Variants in PRH1 observed in about 807,000 individuals in gnomAD.
PRH1 encodes proline rich protein HaeIII subfamily 1, also known as salivary acidic proline-rich phosphoprotein 1/2.
PRH1 carries 7 observed loss-of-function variants against 7.9 expected under a neutral mutation model. The ratio of observed to expected loss-of-function variants is 0.89; its 90% CI spans 0.50 to 1.67. The LOEUF (loss-of-function observed/expected upper bound fraction) is 1.67. Ranked by LOEUF, PRH1 falls within the 40% of genes most tolerant of loss-of-function variation. The pLI, the probability that PRH1 is intolerant of heterozygous loss-of-function variation, is 0.00. For missense variants in PRH1, 109 were observed against 223.6 expected (o/e 0.49, Z 3.27); for synonymous variants, 45 against 80.8 (o/e 0.56, Z 2.38).
chr12:10,885,073 CT>C (rs1029638488), upstream of PRH1, among the ~76,000 whole-genome samples: 2 of 152,204 alleles, frequency 1.3e-5, no homozygotes, highest in Non-Finnish European at 2.9e-5. Flanking sequence ...CCTCCACTTT[CT>C]CCAGAATATT....
At chr12:10,918,505 C>T (rs913000858) in intron 2 of PRH1, among the ~76,000 whole-genome samples, 1 of 152,070 alleles carries the variant, frequency 6.6e-6, no homozygotes, top group Admixed American at 6.5e-5. Context: ...GGTGAAATCT[C>T]CAATTATTTG....
At chr12:11,098,388 T>A (rs1428608644) in intron 1 of PRH1, among the ~76,000 whole-genome samples, 1 of 152,046 alleles carries the variant, frequency 6.6e-6, no homozygotes, top group Non-Finnish European at 1.5e-5. Flanking sequence ...TTCAAACAAC[T>A]CAAATTAACT....
At position 10,997,342 on chromosome 12, in the gene PRH1, A is replaced by G. The variant is rs1467636825; in HGVS notation, c.-125-23621T>C. On this transcript the variant is annotated intron_variant, in intron 1 of 3. Transcript: ENST00000539853. ...GTATCAAGTTTGCTAGCATGGCTAC[A>G]GTCAAGTTGGAAAGGTGCATTGCAT... is the stretch of plus-strand genomic sequence containing the variant. The G allele has an allele frequency of 2.5e-6, 4 of 1,614,104 alleles. No homozygotes were observed. The South Asian group carries it at 3.3e-5, about 13-fold the overall frequency.
chr12:11,170,472 G>A (rs1182766911), intron 1 of PRH1, among the ~76,000 whole-genome samples: 2 of 152,202 alleles, frequency 1.3e-5, no homozygotes, highest in African/African-American at 4.8e-5. Flanking sequence ...GCGTGAACCC[G>A]GGAGGCGGAG....
At chr12:10,886,761 T>C (rs1296104126), upstream of PRH1, among the ~76,000 whole-genome samples, 1 of 152,204 alleles carries the variant, frequency 6.6e-6, no homozygotes, top group East Asian at 1.9e-4. Flanking sequence ...CTGACAGGTG[T>C]TTACCTAGTG....
At chr12:10,957,792 C>G (rs1281862802) in intron 2 of PRH1, among the ~76,000 whole-genome samples, 2 of 151,952 alleles carry the variant, frequency 1.3e-5, no homozygotes, top group African/African-American at 4.8e-5. Flanking sequence ...TACACTCAGC[C>G]AACAAACATA....
At chr12:10,931,754 T>C (rs61355195) in intron 2 of PRH1, among the ~76,000 whole-genome samples, 5,819 of 152,256 alleles carry the variant, frequency 0.038, 369 homozygotes, top group African/African-American at 0.13. Flanking sequence ...GTCTTACTTA[T>C]TGGAAAAATT....
At chr12:11,071,206 C>A (rs1434258679) in intron 1 of PRH1, among the ~76,000 whole-genome samples, 26 of 151,520 alleles carry the variant, frequency 1.7e-4, no homozygotes, top group African/African-American at 6.1e-4. Flanking sequence ...AGGAAGTGGA[C>A]CAGGAAATTC....
chr12:11,156,205 CT>C (rs781535625), intron 1 of PRH1, among the ~76,000 whole-genome samples: 1 of 152,200 alleles, frequency 6.6e-6, no homozygotes, highest in Non-Finnish European at 1.5e-5. Context: ...TGAATTCTAG[CT>C]TCCATGCTTT....
At chr12:11,010,463 GACAA>G (rs1941015201) in intron 1 of PRH1, among the ~76,000 whole-genome samples, 1 of 151,796 alleles carries the variant, frequency 6.6e-6, no homozygotes, top group Non-Finnish European at 1.5e-5. Context: ...ATCAGGTCTA[GACAA>G]ACACCCTCAG....
At chr12:10,928,178 GA>G (rs1257272572) in intron 2 of PRH1, among the ~76,000 whole-genome samples, 1 of 152,002 alleles carries the variant, frequency 6.6e-6, no homozygotes, top group Admixed American at 6.6e-5. Context: ...GAATGAGAAA[GA>G]ATTAGTATTA....
rs1401732004 is a variant in PRH1 at position 11,088,970 on chromosome 12, C to T, written n.124-41782G>A. On this transcript the variant is annotated intron_variant and non_coding_transcript_variant, in intron 1 of 4. Transcript: ENST00000541977. Reference sequence around the variant, plus strand: ...AAAACAGCAAGTGGAGAACATTAATCCAAGCATAGAGTCCCTCTAAACACA... The same window carrying T: ...AAAACAGCAAGTGGAGAACATTAATTCAAGCATAGAGTCCCTCTAAACACA... Among the ~76,000 whole-genome samples the T allele has an allele frequency of 1.7e-5, 2 of 115,570 alleles. 1 individual carries two copies. Among genetic ancestry groups the T allele is most frequent in the Non-Finnish European group, 4.1e-5 (2 of 48,780 alleles). The allele number at this position is 115,570 out of a possible 152,430, so 75.8% of individuals were successfully genotyped here.
chr12:11,025,363 G>T (rs1233733836), intron 1 of PRH1, among the ~76,000 whole-genome samples: 1 of 143,780 alleles, frequency 7.0e-6, no homozygotes, highest in East Asian at 2.1e-4. Flanking sequence ...ACACATTGAA[G>T]ACATGATTCC....
chr12:10,956,364 T>C (rs899756760), intron 2 of PRH1, among the ~76,000 whole-genome samples: 5 of 152,188 alleles, frequency 3.3e-5, no homozygotes, highest in African/African-American at 1.2e-4. Flanking sequence ...TTCAATAAAA[T>C]TCAATGTCTC....
intron 1 of PRH1, among the ~76,000 whole-genome samples, chr12:11,161,957 T>C (rs1456393196): frequency 1.3e-5 from 2 of 152,254 alleles, no homozygotes; most frequent in Non-Finnish European, 2.9e-5. Flanking sequence ...TTAAAAACTT[T>C]ATATGTTGCT....
At chr12:11,112,992 T>C (rs939479518) in intron 1 of PRH1, among the ~76,000 whole-genome samples, 6 of 152,170 alleles carry the variant, frequency 3.9e-5, no homozygotes, top group African/African-American at 1.4e-4. Context: ...CAAGCATTCC[T>C]ATACACCAAT....
At chr12:11,154,821 CAG>C (rs1947204442) in intron 1 of PRH1, among the ~76,000 whole-genome samples, 1 of 152,064 alleles carries the variant, frequency 6.6e-6, no homozygotes, top group South Asian at 2.1e-4. Context: ...AAGGAAATTC[CAG>C]AGAGAATTCC....
chr12:11,058,382 T>C (rs368583040), intron 1 of PRH1, among the ~76,000 whole-genome samples: 12 of 152,352 alleles, frequency 7.9e-5, no homozygotes, highest in African/African-American at 2.9e-4. Flanking sequence ...AGGTGATGTT[T>C]TCAGGTTTTC....
intron 1 of PRH1, chr12:11,006,287 A>G (rs563743494): frequency 6.6e-6 from 1 of 152,104 alleles, no homozygotes; most frequent in East Asian, 1.9e-4. Context: ...AGGAAAAAAC[A>G]AAGATGGTTA....
Sources: gnomAD v4.1 joint callset for allele counts (sites outside exome capture counted in the v4.1 genomes callset) on GRCh38, gnomAD v4.1.1 for gene constraint, MANE v1.5 for transcripts, NCBI Gene and HGNC (gene_info 2026-07-23, HGNC 2026-07-21) for gene names.